ZNF438: variants seen among roughly 807,000 people sequenced by gnomAD.
ZNF438 encodes zinc finger protein 438.
ZNF438 carries 25 observed loss-of-function variants against 38.0 expected under a neutral mutation model. The ratio of observed to expected loss-of-function variants is 0.66; its 90% CI spans 0.48 to 0.92. The LOEUF is 0.92. ZNF438 is among the 40% of genes least tolerant of loss of function. ZNF438 has a pLI of 0.00. For missense variants in ZNF438, 1,007 were observed against 999.6 expected (o/e 1.01, Z -0.10); for synonymous variants, 372 against 364.1 (o/e 1.02, Z -0.25).
intron 1 of ZNF438, among the ~76,000 whole-genome samples, chr10:30,949,610 G>A (rs944310112): frequency 7.2e-5 from 11 of 152,292 alleles, no homozygotes; most frequent in Non-Finnish European, 1.3e-4. Context: ...ACTAGTCTCT[G>A]ATAAAACAGA....
chr10:30,971,279 A>G (rs1336087439), intron 1 of ZNF438, among the ~76,000 whole-genome samples: 1 of 152,236 alleles, frequency 6.6e-6, no homozygotes, highest in African/African-American at 2.4e-5. Flanking sequence ...AGTAAGTGTC[A>G]GCTGCTATTA....
chr10:30,899,344 T>C (rs552126348), intron 3 of ZNF438, among the ~76,000 whole-genome samples: 64 of 152,264 alleles, frequency 4.2e-4, no homozygotes, highest in Non-Finnish European at 7.5e-4. Context: ...AAACAGCACA[T>C]AGACAGAAGA....
In ZNF438 at chr10:31,030,105, G is replaced by A. The variant is rs1416754239; in HGVS notation, c.-192+1728C>T. On this transcript the variant is annotated intron_variant, in intron 1 of 5. Transcript: ENST00000413025. ...TGTTCAGAATAGTGCCTTACATATG[G>A]TAAGCTCTACTTTTTTTAAGTGTTC... 2.2e-4 allele frequency among the ~76,000 whole-genome samples: 33 copies of A among 152,118 alleles called. 1 individual carries two copies. Among genetic ancestry groups the A allele is most frequent in the Admixed American group, 2.1e-3 (32 of 15,280 alleles).
At chr10:30,874,356 C>T (rs2038081204) in intron 4 of ZNF438, among the ~76,000 whole-genome samples, 1 of 151,754 alleles carries the variant, frequency 6.6e-6, no homozygotes, top group Admixed American at 6.6e-5. Context: ...TGCTATGTTG[C>T]CCAGGCTGGT....
At chr10:30,852,875 T>C (rs113700611) in intron 4 of ZNF438, among the ~76,000 whole-genome samples, 2 of 152,358 alleles carry the variant, frequency 1.3e-5, no homozygotes, top group African/African-American at 2.4e-5. Context: ...TCTGTATGGA[T>C]TGCTACTTCT....
At chr10:30,897,969 T>C (rs1238396883) in intron 3 of ZNF438, among the ~76,000 whole-genome samples, 1 of 152,234 alleles carries the variant, frequency 6.6e-6, no homozygotes, top group Non-Finnish European at 1.5e-5. Context: ...CATTTTGGTA[T>C]ACAATCTTAA....
At chr10:30,848,400 T>G in intron 5 of ZNF438, 131 bp downstream of exon 6, 1 of 1,065,288 alleles carries the variant, frequency 9.4e-7, no homozygotes, top group Non-Finnish European at 1.3e-6. Context: ...CTAGGAGGTA[T>G]ACATAGCTAC....
exon 2 of ZNF438, chr10:30,941,602 T>C (rs1355865054): frequency 6.6e-6 from 1 of 152,200 alleles, no homozygotes; most frequent in African/African-American, 2.4e-5. Flanking sequence ...AGCAAATGTC[T>C]TCTAACTTTA....
chr10:30,852,074 A>AATCACTTG (rs1462359884), intron 4 of ZNF438, among the ~76,000 whole-genome samples: 1 of 151,866 alleles, frequency 6.6e-6, no homozygotes, highest in African/African-American at 2.4e-5. Flanking sequence ...GAGGCAGGAG[A>AATCACTTG]ATCACTTGAA....
chr10:30,998,148 A>C (rs909620156), intron 1 of ZNF438, among the ~76,000 whole-genome samples: 3 of 152,160 alleles, frequency 2.0e-5, no homozygotes, highest in African/African-American at 7.2e-5. Flanking sequence ...GGAATTTGAG[A>C]GTTTCAGCCT....
intron 4 of ZNF438, among the ~76,000 whole-genome samples, chr10:30,870,246 C>T (rs1026386371): frequency 6.6e-6 from 1 of 151,844 alleles, no homozygotes; most frequent in African/African-American, 2.4e-5. Flanking sequence ...TATTTTTAAC[C>T]CCAAAATCAA....
At chr10:30,894,028 A>G (rs1429670083) in intron 3 of ZNF438, among the ~76,000 whole-genome samples, 1 of 152,226 alleles carries the variant, frequency 6.6e-6, no homozygotes, top group African/African-American at 2.4e-5. Flanking sequence ...AAAATGGTAC[A>G]TCAGAGGACT....
exon 6 of ZNF438, chr10:30,844,768 A>G (rs1412749156): frequency 3.0e-6 from 2 of 663,236 alleles, no homozygotes; most frequent in East Asian, 2.7e-5. Flanking sequence ...GACTGCATAT[A>G]GTTAGAAAAA....
intron 1 of ZNF438, among the ~76,000 whole-genome samples, chr10:30,993,524 TG>T (rs1235754827): frequency 6.6e-6 from 1 of 152,272 alleles, no homozygotes; most frequent in East Asian, 1.9e-4. Context: ...GTAACAGAAG[TG>T]GGGCTATGGT....
At chr10:31,018,876 G>C (rs545802004) in intron 1 of ZNF438, among the ~76,000 whole-genome samples, 1 of 152,168 alleles carries the variant, frequency 6.6e-6, no homozygotes, top group Non-Finnish European at 1.5e-5. Flanking sequence ...GAGAGGGGTG[G>C]GCAGACGAAG....
intron 1 of ZNF438, among the ~76,000 whole-genome samples, chr10:31,019,629 T>A (rs937326566): frequency 3.9e-5 from 6 of 152,176 alleles, no homozygotes; most frequent in African/African-American, 1.4e-4. Flanking sequence ...CAACTGAAAA[T>A]CTGACAAAAA....
At chr10:31,004,577 T>C (rs2054946809) in intron 1 of ZNF438, among the ~76,000 whole-genome samples, 2 of 151,714 alleles carry the variant, frequency 1.3e-5, no homozygotes, top group Admixed American at 1.3e-4. Context: ...AGTGAGGGAG[T>C]GAGATAATAG....
In ZNF438 at chr10:30,932,413, G is replaced by A. The variant is rs547396452; in HGVS notation, c.-115+9162C>T. Among the ~76,000 whole-genome samples, 86 of 152,174 alleles carry A rather than the reference G, an allele frequency of 5.7e-4. 2 individuals carry two copies. In the South Asian group the frequency reaches 0.017, roughly 30 times the overall value. On this transcript the variant is annotated intron_variant, in intron 2 of 5. Transcript: ENST00000413025. ...AATAATAACAATAGTTCAGTTTATTGAGCATATAGTATGTGCCAGGCAATG... is the reference window on the plus strand; with the variant it reads ...AATAATAACAATAGTTCAGTTTATTAAGCATATAGTATGTGCCAGGCAATG...
chr10:30,855,879 T>C (rs1375646983), intron 4 of ZNF438, among the ~76,000 whole-genome samples: 1 of 152,228 alleles, frequency 6.6e-6, no homozygotes, highest in Non-Finnish European at 1.5e-5. Context: ...AGGATTATGG[T>C]GGCCTTTGTT....
Sources: gnomAD v4.1 joint callset for allele counts (sites outside exome capture counted in the v4.1 genomes callset) on GRCh38, gnomAD v4.1.1 for gene constraint, MANE v1.5 for transcripts, NCBI Gene and HGNC (gene_info 2026-07-23, HGNC 2026-07-21) for gene names.